ALK: variants seen among roughly 807,000 people sequenced by gnomAD.
The protein encoded by ALK is ALK tyrosine kinase receptor.
Under a neutral mutation model 163.1 loss-of-function variants are expected in ALK, and 74 were observed. The observed-to-expected ratio is 0.45, with a 90% CI of 0.38 to 0.55. ALK has a LOEUF of 0.55. Ranked by LOEUF, ALK falls within the 20% of genes least tolerant of loss-of-function variation. The pLI, the probability that ALK is intolerant of heterozygous loss-of-function variation, is 0.00. For missense variants in ALK, 2,063 were observed against 2,105.3 expected (o/e 0.98, Z 0.39); for synonymous variants, 960 against 843.2 (o/e 1.14, Z -2.40).
chr2:29,511,019 TG>T (rs1201984646), intron 4 of ALK, among the ~76,000 whole-genome samples: 2 of 152,190 alleles, frequency 1.3e-5, no homozygotes, highest in Non-Finnish European at 2.9e-5. Context: ...TTACACTCAA[TG>T]CACTTGTCTG....
At position 29,856,333 on chromosome 2, in the gene ALK, G is replaced by A. The variant is rs115433863; in HGVS notation, c.667+63660C>T. Among the ~76,000 whole-genome samples, 712 of 152,302 alleles carry A rather than the reference G, an allele frequency of 4.7e-3. 3 individuals carry two copies. Among genetic ancestry groups the A allele is most frequent in the African/African-American group, 0.016 (679 of 41,552 alleles). ...TAAAAATGATTACTGCATGGGAAGT[G>A]CCTGATGTAGTATCAGCACAAAGTA... On this transcript the variant is annotated intron_variant, in intron 1 of 28. Coordinates refer to ENST00000389048, the MANE Select transcript of ALK (RefSeq NM_004304.5).
intron 3 of ALK, among the ~76,000 whole-genome samples, chr2:29,544,431 T>C (rs1673494754): frequency 6.6e-6 from 1 of 152,176 alleles, no homozygotes; most frequent in African/African-American, 2.4e-5. Flanking sequence ...GAATATAAAA[T>C]GAAACATTTC....
intron 5 of ALK, among the ~76,000 whole-genome samples, chr2:29,334,460 G>A (rs1667549122): frequency 6.6e-6 from 1 of 152,202 alleles, no homozygotes; most frequent in Non-Finnish European, 1.5e-5. Context: ...GAAACCCACT[G>A]ATTTAGATCC....
intron 4 of ALK, among the ~76,000 whole-genome samples, chr2:29,526,051 A>T (rs1672951837): frequency 6.6e-6 from 1 of 152,150 alleles, no homozygotes. Flanking sequence ...TACTCTGAGA[A>T]GGAGGGGTTT....
intron 1 of ALK, among the ~76,000 whole-genome samples, chr2:29,889,223 G>A (rs1667069364): frequency 6.6e-6 from 1 of 150,808 alleles, no homozygotes; most frequent in Non-Finnish European, 1.5e-5. Context: ...TGGTTTCTCT[G>A]CAGTGGAAAG....
chr2:29,301,114 C>A (rs949221660), intron 8 of ALK, among the ~76,000 whole-genome samples: 2 of 152,208 alleles, frequency 1.3e-5, no homozygotes, highest in East Asian at 1.9e-4. Context: ...TGAATGAATG[C>A]GGGTTCCAGA....
intron 1 of ALK, among the ~76,000 whole-genome samples, chr2:29,760,872 T>A (rs1243755607): frequency 6.6e-6 from 1 of 152,146 alleles, no homozygotes; most frequent in African/African-American, 2.4e-5. Flanking sequence ...ATCCAAGAAC[T>A]CTGAAAGAGC....
chr2:29,380,572 C>A (rs1468681572), intron 5 of ALK, among the ~76,000 whole-genome samples: 1 of 152,044 alleles, frequency 6.6e-6, no homozygotes. Context: ...GCATGTGCCA[C>A]CACGCCTGGC....
intron 1 of ALK, among the ~76,000 whole-genome samples, chr2:29,888,216 G>A (rs1572471337): frequency 6.8e-6 from 1 of 146,772 alleles, no homozygotes; most frequent in African/African-American, 2.5e-5. Context: ...GATTGGGCCT[G>A]TAGACATTGA....
intron 2 of ALK, among the ~76,000 whole-genome samples, chr2:29,706,975 A>ATGTATG (rs1553350144): frequency 9.7e-6 from 1 of 102,726 alleles, no homozygotes; most frequent in Non-Finnish European, 2.0e-5. Flanking sequence ...CTCATGCAGA[A>ATGTATG]TGTGTGTGTG....
At chr2:29,570,686 A>G (rs1674335067) in intron 3 of ALK, among the ~76,000 whole-genome samples, 1 of 152,176 alleles carries the variant, frequency 6.6e-6, no homozygotes, top group Admixed American at 6.5e-5. Context: ...GGCATAGCTT[A>G]TCTCTTTTAG....
chr2:29,736,080 C>T (rs745701174), intron 1 of ALK, among the ~76,000 whole-genome samples: 2 of 152,074 alleles, frequency 1.3e-5, no homozygotes, highest in African/African-American at 2.4e-5. Context: ...AGTCTTACTC[C>T]AGAGCTTTTA....
chr2:29,223,690 T>C, intron 19 of ALK, 162 bp from the exon 20 acceptor site: 1 of 656,828 alleles, frequency 1.5e-6, no homozygotes, highest in Non-Finnish European at 2.6e-6. Context: ...TTAAAGAAGG[T>C]GTGTCTTTAA....
At chr2:29,376,114 C>A (rs550444501) in intron 5 of ALK, among the ~76,000 whole-genome samples, 50 of 150,906 alleles carry the variant, frequency 3.3e-4, no homozygotes, top group African/African-American at 1.1e-3. Flanking sequence ...AAATTCCAAC[C>A]CCCCATAAAC....
At chr2:29,708,420 C>T (rs189374946) in intron 2 of ALK, among the ~76,000 whole-genome samples, 2 of 152,240 alleles carry the variant, frequency 1.3e-5, no homozygotes, top group East Asian at 3.9e-4. Context: ...CCTAGGATTA[C>T]CAGACCTAGT....
intron 11 of ALK, among the ~76,000 whole-genome samples, chr2:29,256,859 G>C (rs1664962092): frequency 6.6e-6 from 1 of 152,192 alleles, no homozygotes; most frequent in South Asian, 2.1e-4. Flanking sequence ...AAGGTGCTCA[G>C]GTTGAGGCTC....
rs376788720 is a variant in ALK at position 29,827,968 on chromosome 2, G to T, written c.667+92025C>A. 3.9e-5 allele frequency among the ~76,000 whole-genome samples: 6 copies of T among 152,254 alleles called. No individual in the cohort carries two copies. The East Asian group carries it at 9.7e-4, about 25-fold the overall frequency. ...AGCACGGTACTGGTACCAAAACAGA[G>T]ATATAGATCAATGGAACAGAACAGA... On this transcript the variant is annotated intron_variant, in intron 1 of 28. Transcript: ENST00000389048.
intron 15 of ALK, among the ~76,000 whole-genome samples, chr2:29,230,925 CT>C (rs1558628761): frequency 6.6e-6 from 1 of 151,910 alleles, no homozygotes; most frequent in Non-Finnish European, 1.5e-5. Context: ...TGCTTTCATC[CT>C]GCTCAGCCCC....
chr2:29,481,774 CTCAGAAAAGTGAT>C (rs1317550990), intron 4 of ALK, among the ~76,000 whole-genome samples: 1 of 152,160 alleles, frequency 6.6e-6, no homozygotes, highest in Non-Finnish European at 1.5e-5. Context: ...AGCTCTCCTG[CTCAGAAAAGTGAT>C]AAGTGACAGG....
Sources: allele counts gnomAD v4.1 joint callset (sites outside exome capture counted in the v4.1 genomes callset), GRCh38; gene constraint gnomAD v4.1.1; transcripts MANE v1.5; gene names NCBI Gene and HGNC (gene_info 2026-07-23, HGNC 2026-07-21).